TMEM182: variants seen among roughly 807,000 people sequenced by gnomAD.
TMEM182 encodes transmembrane protein 182.
In TMEM182, 20 loss-of-function variants were observed where a neutral mutation model predicts 26.8. The observed-to-expected ratio is 0.75, with a 90% CI of 0.53 to 1.09. The LOEUF (loss-of-function observed/expected upper bound fraction) is 1.09, where lower values mean the gene tolerates loss of function less well. Ranked by LOEUF, TMEM182 falls within the 50% of genes least tolerant of loss-of-function variation. The pLI, the probability that TMEM182 is intolerant of heterozygous loss-of-function variation, is 0.00. For missense variants in TMEM182, 277 were observed against 275.5 expected (o/e 1.01, Z -0.04); for synonymous variants, 109 against 102.2 (o/e 1.07, Z -0.40).
Position 102,816,892 on chromosome 2 carries a change from G to A in TMEM182, c.*1924G>A. The A allele has an allele frequency of 1.0e-6, 1 of 985,720 alleles. No homozygotes were observed. Among genetic ancestry groups the A allele is most frequent in the Non-Finnish European group, 1.2e-6 (1 of 829,886 alleles). The allele number at this position is 985,720 out of a possible 1,614,324, so 61.1% of individuals were successfully genotyped here. A position where few individuals can be genotyped will look rare whatever the true frequency, so the allele number is the denominator to read the frequency against. ...CACATACAAGCTGCTTTCGGCAAAG[G>A]CTTGAATATTTATAAATTTCAGATG... is the stretch of plus-strand genomic sequence containing the variant. On this transcript the variant is annotated 3_prime_UTR_variant, in exon 5 of 5. Transcript: ENST00000412401.
intron 4 of TMEM182, among the ~76,000 whole-genome samples, chr2:102,799,081 G>T (rs1400025078): frequency 6.6e-6 from 1 of 152,208 alleles, no homozygotes; most frequent in Admixed American, 6.5e-5. Context: ...GCTATTATTT[G>T]TAAAGATAAT....
intron 3 of TMEM182, among the ~76,000 whole-genome samples, chr2:102,793,382 CT>C (rs1681730466): frequency 1.3e-5 from 2 of 152,266 alleles, no homozygotes; most frequent in African/African-American, 4.8e-5. Context: ...CTTCGTAGAA[CT>C]TTCTGTATCA....
At chr2:102,799,934 G>T (rs960438967) in intron 4 of TMEM182, among the ~76,000 whole-genome samples, 1 of 152,072 alleles carries the variant, frequency 6.6e-6, no homozygotes, top group Non-Finnish European at 1.5e-5. Context: ...GCAGGAGAAG[G>T]TCAGAGAAAA....
At chr2:102,797,152 C>T (rs1276707166) in intron 3 of TMEM182, among the ~76,000 whole-genome samples, 1 of 152,108 alleles carries the variant, frequency 6.6e-6, no homozygotes, top group East Asian at 1.9e-4. Context: ...TCCTTGACTC[C>T]TATAGACTCC....
intron 3 of TMEM182, among the ~76,000 whole-genome samples, chr2:102,828,040 G>A (rs928115056): frequency 3.3e-5 from 5 of 152,124 alleles, no homozygotes; most frequent in East Asian, 1.9e-4. Flanking sequence ...GCAGTGAGCC[G>A]AGATCGTGCC....
rs74526413 is a variant in TMEM182, at chr2:102,792,620, G to A, written c.332-5243G>A. 4.0e-4 allele frequency among the ~76,000 whole-genome samples: 61 copies of A among 152,304 alleles called. 1 individual carries two copies. The East Asian group carries it at 0.011, about 27-fold the overall frequency. ...ATGTGAAAACTATGTAATATAATTA[G>A]CTAGAAAATAGGAAGTTCCAACAAA... On this transcript the variant is annotated intron_variant, in intron 3 of 4. Transcript: ENST00000412401.
upstream of TMEM182, chr2:102,758,345 A>T: frequency 3.1e-6 from 2 of 652,422 alleles, no homozygotes; most frequent in Non-Finnish European, 5.6e-6. Flanking sequence ...GGCTTCTAAG[A>T]TTACTTGGGG....
At chr2:102,799,951 G>T (rs1026069808) in intron 4 of TMEM182, among the ~76,000 whole-genome samples, 2 of 152,060 alleles carry the variant, frequency 1.3e-5, no homozygotes, top group Admixed American at 6.5e-5. Context: ...AAAAACTTTT[G>T]CTCCTGAGGC....
chr2:102,784,539 GA>G (rs1330101967), intron 3 of TMEM182, among the ~76,000 whole-genome samples: 2 of 152,196 alleles, frequency 1.3e-5, no homozygotes, highest in African/African-American at 2.4e-5. Context: ...CAGACCCCAA[GA>G]GGGGGGTTTT....
chr2:102,800,566 G>A (rs1023339738), intron 4 of TMEM182, among the ~76,000 whole-genome samples: 1 of 151,992 alleles, frequency 6.6e-6, no homozygotes, highest in Non-Finnish European at 1.5e-5. Context: ...CCTTTTCAAA[G>A]TTCCAGTAAG....
chr2:102,833,364 C>T (rs1431717287), intron 3 of TMEM182, among the ~76,000 whole-genome samples: 1 of 152,168 alleles, frequency 6.6e-6, no homozygotes, highest in Non-Finnish European at 1.5e-5. Context: ...AATTGCAGTT[C>T]TAATTTCTCC....
intron 1 of TMEM182, among the ~76,000 whole-genome samples, chr2:102,746,313 T>A (rs1679694474): frequency 6.6e-6 from 1 of 152,210 alleles, no homozygotes; most frequent in Non-Finnish European, 1.5e-5. Context: ...TTGTAAGAGT[T>A]CTTTATATGG....
upstream of TMEM182, chr2:102,761,928 G>C: frequency 3.4e-6 from 1 of 294,890 alleles, no homozygotes; most frequent in East Asian, 9.3e-5. Context: ...GCTATTTTTT[G>C]ATCCCCATGG....
chr2:102,774,617 A>T (rs1033232183), intron 3 of TMEM182, among the ~76,000 whole-genome samples: 30 of 151,966 alleles, frequency 2.0e-4, no homozygotes, highest in African/African-American at 7.3e-4. Flanking sequence ...TACATTTCTG[A>T]TACATTTTCA....
At chr2:102,838,394 A>G (rs1683286254) in intron 3 of TMEM182, among the ~76,000 whole-genome samples, 1 of 152,172 alleles carries the variant, frequency 6.6e-6, no homozygotes, top group Non-Finnish European at 1.5e-5. Flanking sequence ...GTGTAATGCA[A>G]TGTCATGTGT....
chr2:102,824,716 A>C (rs1202334575), intron 3 of TMEM182, among the ~76,000 whole-genome samples: 1 of 152,178 alleles, frequency 6.6e-6, no homozygotes, highest in African/African-American at 2.4e-5. Context: ...TAGTCCAGCT[A>C]TTCAGGAGGC....
At position 102,817,286 on chromosome 2, in the gene TMEM182, T is replaced by C; in HGVS notation, c.*2318T>C. 1.0e-6 allele frequency: 1 copy of C among 985,406 alleles called. No homozygotes were observed. Among genetic ancestry groups the C allele is most frequent in the Non-Finnish European group, 1.2e-6 (1 of 829,884 alleles). The allele number at this position is 985,406 out of a possible 1,614,324, so 61.0% of individuals were successfully genotyped here. On this transcript the variant is annotated 3_prime_UTR_variant, in exon 5 of 5. Transcript: ENST00000412401. Reference sequence around the variant, plus strand: ...TTAATTTTTAGAAGCCTTTAAACTGTGTTAGAATCTTTTTGAAAAATGTTG... The same window carrying C: ...TTAATTTTTAGAAGCCTTTAAACTGCGTTAGAATCTTTTTGAAAAATGTTG...
chr2:102,814,960 C>T lies in TMEM182; in HGVS notation c.682C>T (p.His228Tyr), dbSNP rs754685633. The change falls in exon 5 of 5, where the codon CAT (histidine) becomes TAT (tyrosine). Residue 228 changes from histidine to tyrosine, a missense_variant. By Grantham distance (83) the His-to-Tyr change is moderately conservative. Transcript: ENST00000412401. ...GGTTGTTGGATGGCATATTCAGATA[C>T]ATCACTAAATCAACTGTTGCCACAA... ...FLVVGWHIQI[H>Y]H 6.2e-7 allele frequency: 1 copy of T among 1,613,660 alleles called. No homozygotes were observed. Among genetic ancestry groups the T allele is most frequent in the South Asian group, 1.1e-5 (1 of 91,066 alleles).
intron 3 of TMEM182, among the ~76,000 whole-genome samples, chr2:102,790,140 T>A (rs1023979204): frequency 1.3e-5 from 2 of 152,246 alleles, no homozygotes; most frequent in Non-Finnish European, 2.9e-5. Flanking sequence ...GCAAGGATTA[T>A]GTCTTACTCT....
Sources: gnomAD v4.1 joint callset for allele counts (sites outside exome capture counted in the v4.1 genomes callset) on GRCh38, gnomAD v4.1.1 for gene constraint, MANE v1.5 for transcripts, NCBI Gene and HGNC (gene_info 2026-07-23, HGNC 2026-07-21) for gene names.